The following IDO2 variants were observed in gnomAD, a reference collection of about 807,000 sequenced individuals.
IDO2 encodes indoleamine 2,3-dioxygenase 2, also known as indoleamine 2,3-dioxygenase-like 1 protein.
In IDO2, 46 loss-of-function variants were observed where a neutral mutation model predicts 45.1. The observed-to-expected ratio is 1.02, with a 90% CI of 0.80 to 1.30. The LOEUF is 1.30. Ranked by LOEUF, IDO2 falls within the 50% of genes most tolerant of loss-of-function variation. The pLI is 0.00. For synonymous variants in IDO2, 218 were observed against 184.9 expected (o/e 1.18, Z -1.45); for missense variants, 544 against 491.8 (o/e 1.11, Z -1.00).
intron 4 of IDO2, among the ~76,000 whole-genome samples, chr8:39,981,517 G>A (rs577063972): frequency 6.6e-6 from 1 of 152,166 alleles, no homozygotes; most frequent in Non-Finnish European, 1.5e-5. Flanking sequence ...TCCCAGCTGT[G>A]CCCTGGTAGT....
intron 2 of IDO2, among the ~76,000 whole-genome samples, chr8:39,955,249 GC>G (rs1269920004): frequency 1.8e-5 from 2 of 108,318 alleles, no homozygotes; most frequent in Non-Finnish European, 3.7e-5. Flanking sequence ...TTTAATATTT[GC>G]CTTTTTTTTT....
At chr8:39,948,598 G>A (rs576187755) in intron 1 of IDO2, among the ~76,000 whole-genome samples, 7 of 152,300 alleles carry the variant, frequency 4.6e-5, no homozygotes, top group African/African-American at 1.7e-4. Flanking sequence ...ATGTAAATTA[G>A]TTTATCTTGA....
At chr8:39,972,010 A>T (rs1335867019) in intron 3 of IDO2, among the ~76,000 whole-genome samples, 1 of 152,028 alleles carries the variant, frequency 6.6e-6, no homozygotes, top group Non-Finnish European at 1.5e-5. Flanking sequence ...GGGTTTTTCC[A>T]TGTTGGCCAG....
chr8:39,991,395 T>G (rs1377014122), intron 8 of IDO2, among the ~76,000 whole-genome samples: 1 of 152,114 alleles, frequency 6.6e-6, no homozygotes, highest in South Asian at 2.1e-4. Flanking sequence ...ATAGCAAGGC[T>G]ATTAGGGAGA....
intron 3 of IDO2, among the ~76,000 whole-genome samples, chr8:39,977,082 C>T (rs1808269832): frequency 6.6e-6 from 1 of 151,678 alleles, no homozygotes; most frequent in African/African-American, 2.4e-5. Flanking sequence ...AATTATTAAA[C>T]AACAATGAAC....
chr8:40,002,428 C>G (rs1802152286), intron 8 of IDO2, among the ~76,000 whole-genome samples: 1 of 152,182 alleles, frequency 6.6e-6, no homozygotes, highest in Non-Finnish European at 1.5e-5. Flanking sequence ...TCTCCTCCAG[C>G]ATCGCTTGTG....
At chr8:39,935,423 T>C (rs1807529667) in intron 1 of IDO2, among the ~76,000 whole-genome samples, 1 of 101,810 alleles carries the variant, frequency 9.8e-6, no homozygotes, top group Non-Finnish European at 2.3e-5. Flanking sequence ...ATTACTTTTC[T>C]GGTTGTTGTT....
intron 5 of IDO2, among the ~76,000 whole-genome samples, chr8:39,984,044 T>G (rs1233962922): frequency 1.8e-5 from 1 of 56,528 alleles, no homozygotes; most frequent in Non-Finnish European, 3.0e-5. Flanking sequence ...AGAATTTGGA[T>G]GAAAAAAATA....
At chr8:39,975,452 A>G (rs745502337) in intron 3 of IDO2, among the ~76,000 whole-genome samples, 12 of 152,194 alleles carry the variant, frequency 7.9e-5, no homozygotes, top group Non-Finnish European at 1.8e-4. Context: ...GATTGGAAAA[A>G]CAACCAAATA....
chr8:39,989,738 G>A lies in IDO2; in HGVS notation c.567G>A (p.Thr189=), dbSNP rs781122379. 210 of 1,594,664 alleles carry A rather than the reference G, an allele frequency of 1.3e-4. 3 individuals are homozygous for A. In the Admixed American group the frequency reaches 3.2e-3, roughly 24 times the overall value. ...ATCCCTAGGCTCTTGTTCAGGCCAC[G>A]AATGCTATCTTGCAGCCCAACCAGG... The change falls in exon 8 of 11, where the codon ACG becomes ACA. Residue 189 remains threonine, a synonymous_variant. Coordinates refer to ENST00000502986, the Ensembl canonical transcript of IDO2.
intron 8 of IDO2, among the ~76,000 whole-genome samples, chr8:39,999,276 C>CTTTTTTTTTTT (rs35720120): frequency 2.6e-5 from 2 of 78,420 alleles, no homozygotes; most frequent in African/African-American, 1.0e-4. Context: ...TCTGCTGCTG[C>CTTTTTTTTTTT]TTTTTTTTTT....
chr8:39,955,691 AAAG>A (rs1411493198), intron 2 of IDO2, among the ~76,000 whole-genome samples: 8 of 152,294 alleles, frequency 5.3e-5, no homozygotes, highest in Non-Finnish European at 7.3e-5. Flanking sequence ...AAGAAATAAA[AAAG>A]AAGAAAAGAA....
rs957781264 is a variant in IDO2 at position 39,951,217 on chromosome 8, A to C, written c.99+1953A>C. On this transcript the variant is annotated intron_variant, in intron 2 of 10. Coordinates refer to ENST00000502986, the Ensembl canonical transcript of IDO2. ...ATAGTTAAATGGCAAATTAGGCTGGAGGGTGGGGGTGGAACCTCTCCAAAA... is the reference window on the plus strand; with the variant it reads ...ATAGTTAAATGGCAAATTAGGCTGGCGGGTGGGGGTGGAACCTCTCCAAAA... Among the ~76,000 whole-genome samples the C allele has an allele frequency of 2.1e-5, 3 of 146,330 alleles. No individual in the cohort carries two copies. The South Asian group carries it at 6.9e-4, about 34-fold the overall frequency.
intron 1 of IDO2, among the ~76,000 whole-genome samples, chr8:39,938,338 G>T (rs560011532): frequency 1.4e-4 from 22 of 151,926 alleles, no homozygotes; most frequent in African/African-American, 5.3e-4. Context: ...TATATATTTT[G>T]TATATAAATG....
chr8:39,995,251 C>CCTTCTCCTTCTCCTTCTTCTTCTTCTT (rs1554548607), intron 8 of IDO2: 3 of 78,024 alleles, frequency 3.8e-5, no homozygotes, highest in South Asian at 5.7e-4. Context: ...TTCTCCTTCT[C>CCTTCTCCTTCTCCTTCTTCTTCTTCTT]CTTCTTCTTC....
intron 7 of IDO2, among the ~76,000 whole-genome samples, chr8:39,988,627 C>T (rs1808457776): frequency 6.6e-6 from 1 of 152,026 alleles, no homozygotes; most frequent in Non-Finnish European, 1.5e-5. Flanking sequence ...CCATGTTGGT[C>T]AGGCTGGCCT....
At chr8:39,970,511 CCTTCCCAGTACCT>C (rs956408508) in intron 3 of IDO2, among the ~76,000 whole-genome samples, 2 of 152,204 alleles carry the variant, frequency 1.3e-5, no homozygotes, top group African/African-American at 4.8e-5. Context: ...CCTGCCTCAG[CCTTCCCAGTACCT>C]GGGATTACAG....
chr8:39,940,126 A>G (rs757847446), intron 1 of IDO2, among the ~76,000 whole-genome samples: 1 of 152,200 alleles, frequency 6.6e-6, no homozygotes, highest in Non-Finnish European at 1.5e-5. Flanking sequence ...ACTTCCTCTT[A>G]GTAAGAAAGA....
At chr8:39,936,529 T>C (rs73619534) in intron 1 of IDO2, among the ~76,000 whole-genome samples, 110 of 152,326 alleles carry the variant, frequency 7.2e-4, no homozygotes, top group African/African-American at 2.4e-3. Flanking sequence ...AAGCCATATA[T>C]CTGCCCTGAG....
Sources: gnomAD v4.1 joint callset for allele counts (sites outside exome capture counted in the v4.1 genomes callset) on GRCh38, gnomAD v4.1.1 for gene constraint, MANE v1.5 for transcripts, NCBI Gene and HGNC (gene_info 2026-07-23, HGNC 2026-07-21) for gene names.